TNNI3K: variants seen among roughly 807,000 people sequenced by gnomAD.
TNNI3K encodes serine/threonine-protein kinase TNNI3K.
A neutral mutation model predicts 114.5 loss-of-function variants in TNNI3K; 140 were observed. The ratio of observed to expected loss-of-function variants is 1.22; its 90% CI spans 1.07 to 1.41. The LOEUF (loss-of-function observed/expected upper bound fraction) is 1.41. Ranked by LOEUF, TNNI3K falls within the 40% of genes most tolerant of loss-of-function variation. The probability of loss-of-function intolerance (pLI) is 0.00; values close to 1 mark genes in which losing one functional copy is unlikely to be tolerated. For missense variants in TNNI3K, 1,125 were observed against 1,007.6 expected, an observed-to-expected ratio of 1.12 and a Z score of -1.58; for synonymous variants, 347 against 347.5, an observed-to-expected ratio of 1.00 and a Z score of 0.02.
intron 5 of TNNI3K, among the ~76,000 whole-genome samples, chr1:74,292,513 A>G (rs1657744582): frequency 6.6e-6 from 1 of 151,628 alleles, no homozygotes. Flanking sequence ...TAGTGTTTTT[A>G]AATTACCTTG....
chr1:74,486,200 A>AG (rs1491194260), intron 21 of TNNI3K, among the ~76,000 whole-genome samples: 32 of 134,460 alleles, frequency 2.4e-4, no homozygotes, highest in East Asian at 1.4e-3. Flanking sequence ...TAAATGCTAT[A>AG]AAGAGAGAGA....
chr1:74,469,726 T>C (rs1303089437), intron 21 of TNNI3K, among the ~76,000 whole-genome samples: 1 of 152,184 alleles, frequency 6.6e-6, no homozygotes, highest in Non-Finnish European at 1.5e-5. Flanking sequence ...TATTCAACTC[T>C]GGTTTTATTT....
At position 74,370,290 on chromosome 1, in the gene TNNI3K, T is replaced by A; in HGVS notation, c.1670T>A (p.Ile557Asn). The change falls in exon 17 of 25, where the codon ATT becomes AAT. Residue 557 changes from isoleucine (I) to asparagine (N), a missense_variant and splice_region_variant. Physicochemically the swap from Ile to Asn is moderately radical, Grantham distance 149. Coordinates refer to ENST00000326637, the MANE Select transcript of TNNI3K (RefSeq NM_015978.3). The part of the protein sequence containing the change: ...LFSLLHEQKR[I>N]LDLQSKLIIA... The stretch of plus-strand genomic sequence containing the variant: ...TTAAATCTATTTTTAAATTCTAGGA[T>A]TCTTGATTTGCAGTCTAAATTAATT... The A allele has an allele frequency of 6.3e-7, 1 of 1,588,384 alleles. No individual in the cohort carries two copies. The highest frequency in any genetic ancestry group is 8.6e-7 in the Non-Finnish European group (1 of 1,166,456).
intron 21 of TNNI3K, chr1:74,469,467 G>A (rs1462051466): frequency 6.5e-6 from 1 of 154,220 alleles, no homozygotes; most frequent in African/African-American, 2.4e-5. Flanking sequence ...CATGTAGAAA[G>A]CAATATTGTA....
intron 17 of TNNI3K, among the ~76,000 whole-genome samples, chr1:74,421,418 C>A (rs1260435579): frequency 6.6e-6 from 1 of 151,952 alleles, no homozygotes; most frequent in Non-Finnish European, 1.5e-5. Context: ...TTAATCTTTA[C>A]AATAATCTGG....
chr1:74,414,123 G>T (rs1425847452), intron 17 of TNNI3K, among the ~76,000 whole-genome samples: 2 of 152,124 alleles, frequency 1.3e-5, no homozygotes, highest in Non-Finnish European at 2.9e-5. Flanking sequence ...TGTTGCATTT[G>T]TGGCATCTGA....
intron 17 of TNNI3K, among the ~76,000 whole-genome samples, chr1:74,434,129 A>C (rs1436784381): frequency 6.6e-6 from 1 of 152,040 alleles, no homozygotes; most frequent in African/African-American, 2.4e-5. Context: ...TCAGAGCATT[A>C]AAATATATGC....
At chr1:74,411,923 G>A (rs1024831896) in intron 17 of TNNI3K, among the ~76,000 whole-genome samples, 9 of 152,106 alleles carry the variant, frequency 5.9e-5, no homozygotes, top group African/African-American at 1.9e-4. Flanking sequence ...GGGTAAATTA[G>A]AGTTGTTTGT....
chr1:74,284,920 GA>G (rs1308654468), intron 5 of TNNI3K, among the ~76,000 whole-genome samples: 3 of 152,200 alleles, frequency 2.0e-5, no homozygotes, highest in East Asian at 3.9e-4. Context: ...AATAGTTAAA[GA>G]TTTTTTTTCT....
At chr1:74,309,366 C>CAAAAAAAAA (rs71078188) in intron 5 of TNNI3K, among the ~76,000 whole-genome samples, 3,777 of 24,054 alleles carry the variant, frequency 0.16, 967 homozygotes, top group South Asian at 0.3. Context: ...GACTCTGTCT[C>CAAAAAAAAA]AAAAAAAAAA....
chr1:74,375,653 A>C (rs941254806), intron 17 of TNNI3K: 1 of 454,000 alleles, frequency 2.2e-6, no homozygotes, highest in African/African-American at 2.0e-5. Context: ...ACTCAGCATC[A>C]AGAGGACAAC....
rs564676401 is a variant in TNNI3K at position 74,335,899 on chromosome 1, G to A, written c.544-112G>A. The A allele has an allele frequency of 4.2e-6, 5 of 1,181,148 alleles. No homozygotes were observed. The South Asian group carries it at 7.3e-5, about 17-fold the overall frequency. The allele number at this position is 1,181,148 out of a possible 1,614,324, so 73.2% of individuals were successfully genotyped here. Reference sequence around the variant, plus strand: ...TCCAGTTTTGGACTTCTTGCTAGGTGATATAACAATAAATTTTTGTGGTTT... The same window carrying A: ...TCCAGTTTTGGACTTCTTGCTAGGTAATATAACAATAAATTTTTGTGGTTT... On this transcript the variant is annotated intron_variant, in intron 6 of 24. Transcript: ENST00000326637.
intron 19 of TNNI3K, chr1:74,438,983 C>A (rs1666258015): frequency 1.3e-5 from 2 of 152,116 alleles, no homozygotes; most frequent in Admixed American, 1.3e-4. Flanking sequence ...GCCATGAGCA[C>A]ACTATTTATG....
chr1:74,317,303 AAAT>A (rs1309402719), intron 5 of TNNI3K, among the ~76,000 whole-genome samples: 2 of 152,224 alleles, frequency 1.3e-5, no homozygotes, highest in Admixed American at 1.3e-4. Context: ...AGAGAGGAAG[AAAT>A]AATAATTATA....
chr1:74,337,084 A>G (rs1248424041), intron 7 of TNNI3K, among the ~76,000 whole-genome samples: 1 of 150,710 alleles, frequency 6.6e-6, no homozygotes, highest in Non-Finnish European at 1.5e-5. Flanking sequence ...TTTGATTTGC[A>G]TTTCTCTGAT....
intron 4 of TNNI3K, among the ~76,000 whole-genome samples, chr1:74,269,987 A>G (rs1656243038): frequency 6.6e-6 from 1 of 151,852 alleles, no homozygotes; most frequent in Non-Finnish European, 1.5e-5. Flanking sequence ...GAAGAAAGAG[A>G]TGATCTAATC....
chr1:74,510,836 T>C (rs1358234344), intron 23 of TNNI3K, among the ~76,000 whole-genome samples: 1 of 152,236 alleles, frequency 6.6e-6, no homozygotes, highest in Non-Finnish European at 1.5e-5. Flanking sequence ...AGGCCCAGTA[T>C]TTTGATAGCT....
At position 74,360,008 on chromosome 1, in the gene TNNI3K, A is replaced by T. The variant is rs935652478; in HGVS notation, c.1177+5879A>T. On this transcript the variant is annotated intron_variant, in intron 11 of 24. Coordinates refer to ENST00000326637, the MANE Select transcript of TNNI3K (RefSeq NM_015978.3). ...GATGCTTGATTACTTTTTCCTCCTC[A>T]ACTTCTCCTCCCACCACACATCCTA... Among the ~76,000 whole-genome samples, 5 of 151,850 alleles carry T rather than the reference A, an allele frequency of 3.3e-5. No individual in the cohort carries two copies. The South Asian group carries it at 1.0e-3, about 31-fold the overall frequency.
At position 74,336,167 on chromosome 1, in the gene TNNI3K, AAAGACCTT is replaced by A. The variant is rs1233337829; in HGVS notation, c.682+19_682+26del. Reference sequence around the variant, plus strand: ...AGCAGATGGTAAGATTATATATTTAAAAGACCTTTGCTATCATTTGCTTTATGTATACC... The same window carrying A: ...AGCAGATGGTAAGATTATATATTTAATGCTATCATTTGCTTTATGTATACC... On this transcript the variant is annotated intron_variant, in intron 7 of 24. Coordinates refer to ENST00000326637, the MANE Select transcript of TNNI3K (RefSeq NM_015978.3). 2 of 1,587,454 alleles carry A rather than the reference AAAGACCTT, an allele frequency of 1.3e-6. No individual in the cohort carries two copies. The highest frequency in any genetic ancestry group is 4.5e-5 in the East Asian group (2 of 44,300).
Sources: gnomAD v4.1 joint callset for allele counts (sites outside exome capture counted in the v4.1 genomes callset) on GRCh38, gnomAD v4.1.1 for gene constraint, MANE v1.5 for transcripts, NCBI Gene and HGNC (gene_info 2026-07-23, HGNC 2026-07-21) for gene names.